ERICH6B: variants seen among roughly 807,000 people sequenced by gnomAD.
ERICH6B encodes glutamate-rich protein 6B.
ERICH6B carries 69 observed loss-of-function variants against 80.0 expected under a neutral mutation model. That is an observed-to-expected ratio of 0.86 (90% CI 0.71 to 1.05). The LOEUF is 1.05. ERICH6B is among the 50% of genes least tolerant of loss of function. The pLI, the probability that ERICH6B is intolerant of heterozygous loss-of-function variation, is 0.00. For synonymous variants in ERICH6B, 283 were observed against 291.9 expected, an observed-to-expected ratio of 0.97 and a Z score of 0.31; for missense variants, 754 against 796.1, an observed-to-expected ratio of 0.95 and a Z score of 0.64.
chr13:45,595,560 G>C (rs1018986989), intron 3 of ERICH6B, among the ~76,000 whole-genome samples: 1 of 151,746 alleles, frequency 6.6e-6, no homozygotes, highest in East Asian at 1.9e-4. Flanking sequence ...ATAAGTCTGG[G>C]GAAGATATAA....
At chr13:45,610,899 A>C (rs1442660133) in intron 1 of ERICH6B, among the ~76,000 whole-genome samples, 1 of 151,554 alleles carries the variant, frequency 6.6e-6, no homozygotes, top group Non-Finnish European at 1.5e-5. Context: ...TATGCAAAAG[A>C]TATTTTACAG....
chr13:45,607,018 T>C (rs1039857571), intron 2 of ERICH6B, among the ~76,000 whole-genome samples: 4 of 151,898 alleles, frequency 2.6e-5, no homozygotes. Context: ...GGAATTTAGA[T>C]ATATCAATTA....
At chr13:45,590,593 A>C (rs1306001553) in intron 4 of ERICH6B, 56 bp downstream of exon 4, 4 of 1,498,142 alleles carry the variant, frequency 2.7e-6, no homozygotes, top group Non-Finnish European at 3.6e-6. Context: ...GGGCTGCTGA[A>C]ACATTGTCCC....
chr13:45,561,717 A>T (rs1395153729), intron 10 of ERICH6B, among the ~76,000 whole-genome samples, 191 bp from the exon 11 acceptor site: 1 of 152,160 alleles, frequency 6.6e-6, no homozygotes, highest in Non-Finnish European at 1.5e-5. Context: ...TGGGGCTGAC[A>T]TTCCAGCTCA....
intron 5 of ERICH6B, among the ~76,000 whole-genome samples, chr13:45,585,557 T>C (rs1354355261): frequency 6.6e-6 from 1 of 152,206 alleles, no homozygotes; most frequent in African/African-American, 2.4e-5. Context: ...TTTGTTCTAA[T>C]GACCATCCCC....
At chr13:45,585,431 A>G (rs1875859684) in intron 5 of ERICH6B, among the ~76,000 whole-genome samples, 1 of 152,180 alleles carries the variant, frequency 6.6e-6, no homozygotes, top group Admixed American at 6.5e-5. Context: ...ACACAATCAT[A>G]TACCTGTTGC....
intron 5 of ERICH6B, among the ~76,000 whole-genome samples, chr13:45,585,432 T>C (rs113965438): frequency 2.4e-3 from 364 of 152,326 alleles, no homozygotes; most frequent in African/African-American, 7.2e-3. Context: ...CACAATCATA[T>C]ACCTGTTGCC....
chr13:45,586,097 G>A (rs984256784), intron 5 of ERICH6B, among the ~76,000 whole-genome samples: 1 of 151,796 alleles, frequency 6.6e-6, no homozygotes, highest in African/African-American at 2.4e-5. Context: ...CTTTGAGATG[G>A]CTCCAGTTCT....
At position 45,544,892 on chromosome 13, in the gene ERICH6B, T is replaced by A; in HGVS notation, c.1740A>T (p.Ala580=). 1 of 1,551,630 alleles carries A rather than the reference T, an allele frequency of 6.4e-7. No homozygotes were observed. The highest frequency in any genetic ancestry group is 1.2e-5 in the South Asian group (1 of 84,054). Residue 580 remains alanine, a synonymous_variant, in exon 14 of 15, where the codon GCA becomes GCT. Coordinates refer to ENST00000298738, the MANE Select transcript of ERICH6B (RefSeq NM_182542.3). ...NWWNLNIHVH[A]PPVQPISLKI... Reference sequence around the variant, plus strand: ...TCAAGGAGATGGGCTGGACAGGGGGTGCGTGGACATGGATGTTCAGATTCC... The same window carrying A: ...TCAAGGAGATGGGCTGGACAGGGGGAGCGTGGACATGGATGTTCAGATTCC...
At chr13:45,580,934 G>A (rs7998038) in intron 5 of ERICH6B, among the ~76,000 whole-genome samples, 43 of 152,326 alleles carry the variant, frequency 2.8e-4, no homozygotes, top group African/African-American at 1.0e-3. Flanking sequence ...TGGTTACCAT[G>A]AGGCTAGTTT....
intron 3 of ERICH6B, among the ~76,000 whole-genome samples, chr13:45,592,075 G>A (rs570905471): frequency 6.6e-6 from 1 of 152,290 alleles, no homozygotes; most frequent in African/African-American, 2.4e-5. Flanking sequence ...ATGATTTTCT[G>A]TGACTTTGGA....
At chr13:45,601,610 T>C (rs959798323) in intron 2 of ERICH6B, among the ~76,000 whole-genome samples, 4 of 152,112 alleles carry the variant, frequency 2.6e-5, no homozygotes, top group Admixed American at 6.5e-5. Context: ...CAGAGGAGCA[T>C]TTGTCAATGG....
chr13:45,580,643 TG>T lies in ERICH6B; in HGVS notation c.878del (p.Ser293Ter). On this transcript the variant is annotated frameshift_variant, in exon 6 of 15. Coordinates refer to ENST00000298738, the MANE Select transcript of ERICH6B (RefSeq NM_182542.3). LOFTEE classifies it high-confidence loss of function. Reference protein sequence around the residue: ...RTAVKSLKSKSETEQETTTKL... With the variant: ...RTAVKSLKSKXETEQETTTKL... ...TCGTGGTGGTTTCTTGCTCTGTTTC[TG>T]ATTTCGATTTTAAAGATTTTACTGT... 3 of 1,551,750 alleles carry T rather than the reference TG, an allele frequency of 1.9e-6. No homozygotes were observed. The highest frequency in any genetic ancestry group is 2.6e-6 in the Non-Finnish European group (3 of 1,147,010).
intron 7 of ERICH6B, among the ~76,000 whole-genome samples, chr13:45,579,678 G>A (rs1875572800): frequency 6.6e-6 from 1 of 152,168 alleles, no homozygotes; most frequent in African/African-American, 2.4e-5. Flanking sequence ...CTTAAATGTG[G>A]GAGTCCCTAT....
At position 45,593,989 on chromosome 13, in the gene ERICH6B, G is replaced by C. The variant is rs1212980970; in HGVS notation, c.637+2380C>G. Among the ~76,000 whole-genome samples the C allele has an allele frequency of 2.0e-5, 3 of 152,322 alleles. No individual in the cohort carries two copies. In the East Asian group the frequency reaches 5.8e-4, roughly 29 times the overall value. ...ATGTGAGTGTGACTGGCTCTAGTTAGTGAATATGATCACTTGATTCAATTT... is the reference window on the plus strand; with the variant it reads ...ATGTGAGTGTGACTGGCTCTAGTTACTGAATATGATCACTTGATTCAATTT... On this transcript the variant is annotated intron_variant, in intron 3 of 14. Coordinates refer to ENST00000298738, the MANE Select transcript of ERICH6B (RefSeq NM_182542.3).
chr13:45,603,393 C>T (rs1015204955), intron 2 of ERICH6B, among the ~76,000 whole-genome samples: 4 of 152,210 alleles, frequency 2.6e-5, no homozygotes, highest in Non-Finnish European at 2.9e-5. Flanking sequence ...TTCACAGAGT[C>T]GCTGGCTTTG....
intron 4 of ERICH6B, among the ~76,000 whole-genome samples, chr13:45,587,546 C>T (rs893320204): frequency 6.6e-6 from 1 of 152,080 alleles, no homozygotes; most frequent in African/African-American, 2.4e-5. Flanking sequence ...TGGCTCAAAA[C>T]CCTGCTTATT....
chr13:45,612,833 C>T (rs1414459142), intron 1 of ERICH6B, among the ~76,000 whole-genome samples: 1 of 152,086 alleles, frequency 6.6e-6, no homozygotes, highest in African/African-American at 2.4e-5. Flanking sequence ...TCTTTTATGA[C>T]CTGAAATTGC....
intron 8 of ERICH6B, among the ~76,000 whole-genome samples, chr13:45,569,124 C>T (rs1235926220): frequency 6.6e-6 from 1 of 151,850 alleles, no homozygotes; most frequent in Non-Finnish European, 1.5e-5. Flanking sequence ...AATGATGTTA[C>T]AAGGTGCCTT....
Sources: gnomAD v4.1 joint callset for allele counts (sites outside exome capture counted in the v4.1 genomes callset) on GRCh38, gnomAD v4.1.1 for gene constraint, MANE v1.5 for transcripts, NCBI Gene and HGNC (gene_info 2026-07-23, HGNC 2026-07-21) for gene names.